SLC38A3: variants seen among roughly 807,000 people sequenced by gnomAD.
SLC38A3 encodes solute carrier family 38 member 3, also known as sodium-coupled neutral amino acid transporter 3.
Under a neutral mutation model 59.5 loss-of-function variants are expected in SLC38A3, and 17 were observed. The ratio of observed to expected loss-of-function variants is 0.29; its 90% CI spans 0.20 to 0.43. SLC38A3 has a LOEUF of 0.43. Ranked by LOEUF, SLC38A3 falls within the 20% of genes least tolerant of loss-of-function variation. The probability of loss-of-function intolerance (pLI) is 1.00; values close to 1 mark genes in which losing one functional copy is unlikely to be tolerated. For synonymous variants in SLC38A3, 238 were observed against 260.3 expected, an observed-to-expected ratio of 0.91 and a Z score of 0.82; for missense variants, 454 against 653.9, an observed-to-expected ratio of 0.69 and a Z score of 3.33.
Position 50,214,600 on chromosome 3 carries a change from C to G in SLC38A3, c.184-53C>G, listed in dbSNP as rs1179185859. 6.7e-7 allele frequency: 1 copy of G among 1,490,418 alleles called. No homozygotes were observed. Among genetic ancestry groups the G allele is most frequent in the African/African-American group, 1.4e-5 (1 of 72,202 alleles). 92.3% of individuals were successfully genotyped at this position (1,490,418 alleles called of 1,614,324 possible). On this transcript the variant is annotated intron_variant, in intron 3 of 15. Transcript: ENST00000614032. The surrounding 1 kb of genome is among the most constrained non-coding windows in gnomAD (Gnocchi z 6.0). ...ACAGTCAGGGGAAGGCTGCGATGCCCCTGTCCCTTGCTGACTCCTCCCACC... is the reference window on the plus strand; with the variant it reads ...ACAGTCAGGGGAAGGCTGCGATGCCGCTGTCCCTTGCTGACTCCTCCCACC...
chr3:50,215,179 C>A lies in SLC38A3; in HGVS notation c.300-207C>A. On this transcript the variant is annotated intron_variant, in intron 4 of 15. Transcript: ENST00000614032. The surrounding 1 kb of genome is among the most constrained non-coding windows in gnomAD (Gnocchi z 7.1). ...AGGGACACTCTTGACCCAGAGGGCC[C>A]CTTCTGGGGTGTGTCGCACCCTGGA... 1 of 595,104 alleles carries A rather than the reference C, an allele frequency of 1.7e-6. No homozygotes were observed. Among genetic ancestry groups the A allele is most frequent in the Non-Finnish European group, 3.0e-6 (1 of 333,766 alleles). The allele number at this position is 595,104 out of a possible 1,614,324, so 36.9% of individuals were successfully genotyped here.
At chr3:50,211,980 GA>G (rs1699738424) in intron 1 of SLC38A3, among the ~76,000 whole-genome samples, 1 of 152,188 alleles carries the variant, frequency 6.6e-6, no homozygotes, top group African/African-American at 2.4e-5. Flanking sequence ...TATCTGGGGG[GA>G]TTTGTCTCTT....
intron 14 of SLC38A3, 27 bp from the exon 15 acceptor site, chr3:50,219,853 AG>A (rs762920758): frequency 6.3e-7 from 1 of 1,575,360 alleles, no homozygotes; most frequent in Non-Finnish European, 8.7e-7. Context: ...GATATGAGCC[AG>A]CAGTGGCCAT....
chr3:50,215,790 C>A lies in SLC38A3; in HGVS notation c.517C>A (p.Gln173Lys). The change falls in exon 7 of 16, where the codon CAG (glutamine) becomes AAG (lysine). Residue 173 changes from glutamine to lysine, a missense_variant. Coordinates refer to ENST00000614032, the MANE Select transcript of SLC38A3 (RefSeq NM_006841.6). The surrounding 1 kb of genome is among the most constrained non-coding windows in gnomAD (Gnocchi z 7.1). ...IIKSELPLVIQTFLNLEEKTS... is the reference protein window; with the variant it reads ...IIKSELPLVIKTFLNLEEKTS... ...CAAGTCTGAGCTGCCACTTGTCATA[C>A]AGACCTTCCTGAACCTGGAGGAGAA... is the stretch of plus-strand genomic sequence containing the variant. The A allele has an allele frequency of 6.3e-7, 1 of 1,593,892 alleles. No individual in the cohort carries two copies. Among genetic ancestry groups the A allele is most frequent in the Non-Finnish European group, 8.5e-7 (1 of 1,170,534 alleles).
At chr3:50,209,853 C>A (rs1699699738) in intron 1 of SLC38A3, among the ~76,000 whole-genome samples, 1 of 152,096 alleles carries the variant, frequency 6.6e-6, no homozygotes, top group South Asian at 2.1e-4. Context: ...ATCTGCCTTC[C>A]CCTGGATATG....
At chr3:50,209,413 C>A (rs1368495358) in intron 1 of SLC38A3, among the ~76,000 whole-genome samples, 1 of 152,148 alleles carries the variant, frequency 6.6e-6, no homozygotes, top group East Asian at 1.9e-4. Flanking sequence ...CTTTGGGAGG[C>A]CAAGGTGGGT....
chr3:50,210,545 T>C (rs961280837), intron 1 of SLC38A3, among the ~76,000 whole-genome samples: 4 of 152,306 alleles, frequency 2.6e-5, no homozygotes, highest in Middle Eastern at 3.4e-3. Context: ...CTCAGAGTCC[T>C]GGGGACTCCA....
intron 1 of SLC38A3, among the ~76,000 whole-genome samples, chr3:50,210,554 C>G (rs917114255): frequency 6.6e-6 from 1 of 152,202 alleles, no homozygotes; most frequent in African/African-American, 2.4e-5. Flanking sequence ...CTGGGGACTC[C>G]AAGGACCTTG....
At chr3:50,209,517 C>T (rs1460719961) in intron 1 of SLC38A3, among the ~76,000 whole-genome samples, 1 of 151,952 alleles carries the variant, frequency 6.6e-6, no homozygotes, top group Non-Finnish European at 1.5e-5. Flanking sequence ...GGCGTGGTGG[C>T]GGGCGCCTGT....
intron 1 of SLC38A3, among the ~76,000 whole-genome samples, chr3:50,209,454 CT>C (rs1267513080): frequency 6.6e-6 from 1 of 152,128 alleles, no homozygotes; most frequent in Admixed American, 6.6e-5. Flanking sequence ...CGAGACCATC[CT>C]GGCTAACATG....
chr3:50,220,480 G>C lies in SLC38A3; in HGVS notation c.*303G>C. On this transcript the variant is annotated 3_prime_UTR_variant, in exon 16 of 16. Transcript: ENST00000614032. ...CCTCCTTGCACAGATGCATACACTG[G>C]GGCCCAGCAGCTGCCTCCTGAGGTG... 2.6e-6 allele frequency: 1 copy of C among 377,790 alleles called. No homozygotes were observed. Among genetic ancestry groups the C allele is most frequent in the East Asian group, 5.3e-5 (1 of 18,974 alleles). The allele number at this position is 377,790 out of a possible 1,614,324, so 23.4% of individuals were successfully genotyped here. A position where few individuals can be genotyped will look rare whatever the true frequency, so the allele number is the denominator to read the frequency against.
At chr3:50,213,819 G>T (rs1699769416) in intron 1 of SLC38A3, among the ~76,000 whole-genome samples, 1 of 152,216 alleles carries the variant, frequency 6.6e-6, no homozygotes, top group Non-Finnish European at 1.5e-5. Flanking sequence ...GGGGATGCTG[G>T]TGCCACTGGG....
intron 1 of SLC38A3, among the ~76,000 whole-genome samples, chr3:50,209,648 C>CAAAAA (rs113482440): frequency 2.6e-5 from 3 of 114,924 alleles, no homozygotes; most frequent in African/African-American, 9.8e-5. Context: ...GACTCCGTCT[C>CAAAAA]AAAAAAAAAA....
At chr3:50,209,228 G>A in intron 1 of SLC38A3, among the ~76,000 whole-genome samples, 1 of 152,144 alleles carries the variant, frequency 6.6e-6, no homozygotes, top group Non-Finnish European at 1.5e-5. Context: ...TAGCCCACTC[G>A]TGAACCAAGA....
chr3:50,213,420 G>A (rs1049082665), intron 1 of SLC38A3, among the ~76,000 whole-genome samples: 1 of 152,212 alleles, frequency 6.6e-6, no homozygotes, highest in African/African-American at 2.4e-5. Flanking sequence ...TGGAGCACCC[G>A]TTTCCTGGAA....
intron 1 of SLC38A3, among the ~76,000 whole-genome samples, 193 bp downstream of exon 1, chr3:50,205,541 A>G (rs997438395): frequency 5.9e-5 from 9 of 152,114 alleles, no homozygotes; most frequent in African/African-American, 2.2e-4. Flanking sequence ...GCCAGTCGGG[A>G]CTCAGCGCCG....
In SLC38A3 at chr3:50,217,669, A is replaced by T; in HGVS notation, c.691-7A>T. On this transcript the variant is annotated splice_region_variant and splice_polypyrimidine_tract_variant and intron_variant, in intron 9 of 15. Transcript: ENST00000614032. The surrounding 1 kb of genome is among the most constrained non-coding windows in gnomAD (Gnocchi z 4.9). ...GTCTCTGACACCCTCATCCCTCCCC[A>T]CTCCAGGTCATCTACAAAAAGTTCC... is the stretch of plus-strand genomic sequence containing the variant. 3 of 1,613,262 alleles carry T rather than the reference A, an allele frequency of 1.9e-6. No individual in the cohort carries two copies. In the South Asian group the frequency reaches 3.3e-5, roughly 18 times the overall value.
At position 50,220,496 on chromosome 3, in the gene SLC38A3, T is replaced by C; in HGVS notation, c.*319T>C. On this transcript the variant is annotated 3_prime_UTR_variant, in exon 16 of 16. Coordinates refer to ENST00000614032, the MANE Select transcript of SLC38A3 (RefSeq NM_006841.6). ...CATACACTGGGGCCCAGCAGCTGCC[T>C]CCTGAGGTGACACAGCCTGTAGGAA... 2.8e-6 allele frequency: 1 copy of C among 350,966 alleles called. No individual in the cohort carries two copies. The highest frequency in any genetic ancestry group is 5.4e-6 in the Non-Finnish European group (1 of 186,264). 21.7% of individuals were successfully genotyped at this position (350,966 alleles called of 1,614,324 possible).
At position 50,217,758 on chromosome 3, in the gene SLC38A3, T is replaced by C; in HGVS notation, c.773T>C (p.Ile258Thr). Reference protein sequence around the residue: ...NTTGNFSHVEIVKEKVQLQVE... With the variant: ...NTTGNFSHVETVKEKVQLQVE... ...ACAGGCAACTTCAGCCACGTGGAGA[T>C]CGTGAAGGAGAAGGTGCAGCTGCAG... Residue 258 changes from isoleucine to threonine, a missense_variant, in exon 10 of 16, where the codon ATC (isoleucine) becomes ACC (threonine). By Grantham distance (89) the Ile-to-Thr change is moderately conservative (BLOSUM62 -1). Coordinates refer to ENST00000614032, the MANE Select transcript of SLC38A3 (RefSeq NM_006841.6). This position sits in a 1 kb window ranked among gnomAD's most constrained non-coding sequence, Gnocchi z 4.9. 1 of 1,613,682 alleles carries C rather than the reference T, an allele frequency of 6.2e-7. No homozygotes were observed. Among genetic ancestry groups the C allele is most frequent in the Non-Finnish European group, 8.5e-7 (1 of 1,179,808 alleles).
Sources: allele counts gnomAD v4.1 joint callset (sites outside exome capture counted in the v4.1 genomes callset), GRCh38; gene constraint gnomAD v4.1.1; non-coding constraint Gnocchi (gnomAD v3.1); transcripts MANE v1.5; gene names NCBI Gene and HGNC (gene_info 2026-07-23, HGNC 2026-07-21).